ABHD16A: variants seen among roughly 807,000 people sequenced by gnomAD.
ABHD16A encodes the protein abhydrolase domain containing 16A, phospholipase, also known as phosphatidylserine lipase ABHD16A.
In ABHD16A, 47 loss-of-function variants were observed where a neutral mutation model predicts 89.8. That is an observed-to-expected ratio of 0.52 (90% CI 0.41 to 0.67). ABHD16A has a LOEUF of 0.67. Among genes scored for constraint, ABHD16A ranks in the 30% least tolerant of loss-of-function variants. ABHD16A has a pLI of 0.00. For synonymous variants in ABHD16A, 251 were observed against 280.4 expected (o/e 0.90, Z 1.05); for missense variants, 580 against 734.6 (o/e 0.79, Z 2.43).
chr6:31,700,815 T>C (rs1804900498), intron 4 of ABHD16A, 127 bp downstream of exon 4: 1 of 706,724 alleles, frequency 1.4e-6, no homozygotes, highest in African/African-American at 1.8e-5. Context: ...GAAAAGATCA[T>C]GCCTTAAACC....
rs1803404673 is a variant in ABHD16A, at chr6:31,687,463, C to T, written c.1593+35G>A. On this transcript the variant is annotated intron_variant, in intron 19 of 19. Transcript: ENST00000395952. The surrounding 1 kb of genome is among the most constrained non-coding windows in gnomAD (Gnocchi z 6.3). ...TCCCCCTATGTGAGCCCTGGCCATT[C>T]AAGAACCCTTCCCACTTCCCACTCC... is the stretch of plus-strand genomic sequence containing the variant. 6.2e-7 allele frequency: 1 copy of T among 1,613,066 alleles called. No individual in the cohort carries two copies. Among genetic ancestry groups the T allele is most frequent in the South Asian group, 1.1e-5 (1 of 91,090 alleles).
At position 31,690,100 on chromosome 6, in the gene ABHD16A, T is replaced by C. The variant is rs773102517; in HGVS notation, c.935A>G (p.His312Arg). 4.4e-6 allele frequency: 7 copies of C among 1,600,874 alleles called. No individual in the cohort carries two copies. The highest frequency in any genetic ancestry group is 6.0e-6 in the Non-Finnish European group (7 of 1,174,218). Residue 312 changes from histidine to arginine, a missense_variant, in exon 11 of 20, where the codon CAT becomes CGT. His to Arg is a conservative substitution (Grantham distance 29). Coordinates refer to ENST00000395952, the MANE Select transcript of ABHD16A (RefSeq NM_021160.3). This position sits in a 1 kb window ranked among gnomAD's most constrained non-coding sequence, Gnocchi z 4.1. ...EAGYSVLGWN[H>R]PGFAGSTGVP... The stretch of plus-strand genomic sequence containing the variant: ...CACCGTGCTTCCAGCAAAGCCTGGA[T>C]GATTCCAGCCCAGGACTGAATATCC...
At chr6:31,700,097 A>G (rs1056579514) in intron 4 of ABHD16A, among the ~76,000 whole-genome samples, 5 of 150,344 alleles carry the variant, frequency 3.3e-5, no homozygotes, top group African/African-American at 1.2e-4. Flanking sequence ...GCATTGCTAT[A>G]TAGTGTTCTC....
Position 31,703,228 on chromosome 6 carries a change from C to A in ABHD16A, c.54G>T (p.Arg18=). Residue 18 remains arginine (R), a synonymous_variant, in exon 1 of 20, where the codon CGG becomes CGT. Transcript: ENST00000395952. Reference sequence around the variant, plus strand: ...CCGGGGCCCTTTCAGAGTCCCTCTCCCGGTAGATTTTGTAGAGCCGGGGGC... The same window carrying A: ...CCGGGGCCCTTTCAGAGTCCCTCTCACGGTAGATTTTGTAGAGCCGGGGGC... The part of the protein sequence containing the change: ...VLGPRLYKIY[R]ERDSERAPAS... The A allele has an allele frequency of 1.4e-6, 2 of 1,441,058 alleles. No homozygotes were observed. Among genetic ancestry groups the A allele is most frequent in the Non-Finnish European group, 1.8e-6 (2 of 1,086,922 alleles). 89.3% of individuals were successfully genotyped at this position (1,441,058 alleles called of 1,614,324 possible). A position where few individuals can be genotyped will look rare whatever the true frequency, so the allele number is the denominator to read the frequency against.
chr6:31,698,535 G>A lies in ABHD16A; in HGVS notation c.344-1502C>T, dbSNP rs1445991071. Among the ~76,000 whole-genome samples, 1 of 151,738 alleles carries A rather than the reference G, an allele frequency of 6.6e-6. No homozygotes were observed. On this transcript the variant is annotated intron_variant, in intron 4 of 19. Transcript: ENST00000395952. This position sits in a 1 kb window ranked among gnomAD's most constrained non-coding sequence, Gnocchi z 4.1. ...AGTTTTGCTCTTGTTGCCCAGGCGG[G>A]AGTGCAATGATGTGCTCTCGGCTCA...
intron 1 of ABHD16A, chr6:31,702,850 G>T: frequency 7.3e-7 from 1 of 1,376,214 alleles, no homozygotes; most frequent in Non-Finnish European, 9.4e-7. Context: ...TCTCTTCCCG[G>T]GACTCAAGAC....
intron 5 of ABHD16A, among the ~76,000 whole-genome samples, chr6:31,694,030 GC>G (rs1353798195): frequency 6.7e-6 from 1 of 150,296 alleles, no homozygotes; most frequent in African/African-American, 2.4e-5. Context: ...CGAACCTCGG[GC>G]CACCCCACTG....
In ABHD16A at chr6:31,689,604, G is replaced by T; in HGVS notation, c.1058C>A (p.Ala353Asp). The T allele has an allele frequency of 6.2e-7, 1 of 1,608,060 alleles. No homozygotes were observed. Among genetic ancestry groups the T allele is most frequent in the Non-Finnish European group, 8.5e-7 (1 of 1,177,696 alleles). ...GFQPQDIIIY[A>D]WSIGGFTATW... ...ACCAGTGAAGCCGCCGATGGACCAG[G>T]CGTAGATGATGATGTCCTGGGGCTG... Residue 353 changes from alanine to aspartate, a missense_variant, in exon 12 of 20, where the codon GCC becomes GAC. Physicochemically the swap from Ala to Asp is moderately radical, Grantham distance 126 (BLOSUM62 -2). Transcript: ENST00000395952.
At chr6:31,689,524 G>C (rs1803648574) in intron 12 of ABHD16A, 57 bp downstream of exon 12, 1 of 1,480,324 alleles carries the variant, frequency 6.8e-7, no homozygotes, top group East Asian at 2.6e-5. Flanking sequence ...CCTCTCCCGG[G>C]TGGGGCTGGG....
Position 31,688,853 on chromosome 6 carries a change from A to G in ABHD16A, c.1187-67T>C. ...CTTGCCCAACATAAAGGTCCTCACT[A>G]TTCACGGAGAAAGAAAACTGAGGCC... On this transcript the variant is annotated intron_variant, in intron 13 of 19. Transcript: ENST00000395952. This position sits in a 1 kb window ranked among gnomAD's most constrained non-coding sequence, Gnocchi z 4.9. 1 of 1,538,178 alleles carries G rather than the reference A, an allele frequency of 6.5e-7. No homozygotes were observed. The highest frequency in any genetic ancestry group is 8.9e-7 in the Non-Finnish European group (1 of 1,123,780).
chr6:31,700,119 T>C (rs1804805073), intron 4 of ABHD16A, among the ~76,000 whole-genome samples: 1 of 151,582 alleles, frequency 6.6e-6, no homozygotes, highest in Non-Finnish European at 1.5e-5. Context: ...TGCATGGCTA[T>C]TGCATGGAAC....
At chr6:31,697,237 T>A (rs1323476770) in intron 4 of ABHD16A, among the ~76,000 whole-genome samples, 2 of 152,144 alleles carry the variant, frequency 1.3e-5, no homozygotes, top group Non-Finnish European at 2.9e-5. Flanking sequence ...GGACGCTTCT[T>A]CTCCCTAGCT....
chr6:31,689,642 G>T lies in ABHD16A; in HGVS notation c.1020C>A (p.His340Gln). ...AMDVVVQFAI[H>Q]RLGFQPQDII... The stretch of plus-strand genomic sequence containing the variant: ...TGTCCTGGGGCTGGAAGCCTAGGCG[G>T]TGGATGGCAAACTGGACCACCACAT... Residue 340 changes from histidine (H) to glutamine (Q), a missense_variant, in exon 12 of 20, where the codon CAC becomes CAA. Around this residue, in one of 2 missense-constraint regions of ABHD16A, gnomAD observed 415 missense variants for 568.8 expected, o/e 0.73. Transcript: ENST00000395952. 6.2e-7 allele frequency: 1 copy of T among 1,612,410 alleles called. No homozygotes were observed. Among genetic ancestry groups the T allele is most frequent in the Non-Finnish European group, 8.5e-7 (1 of 1,179,692 alleles).
chr6:31,693,139 G>C lies in ABHD16A; in HGVS notation c.514C>G (p.Arg172Gly). 6.2e-7 allele frequency: 1 copy of C among 1,613,116 alleles called. No individual in the cohort carries two copies. The highest frequency in any genetic ancestry group is 8.5e-7 in the Non-Finnish European group (1 of 1,179,586). ...ACACCCCGGCGGGAAGGGCCCCCTC[G>C]AGACTCCTTCCTGAGGAAGGGAAAG... is the stretch of plus-strand genomic sequence containing the variant. Reference protein sequence around the residue: ...WEEPSSRKESRGGPSRRGVAL... With the variant: ...WEEPSSRKESGGGPSRRGVAL... The change falls in exon 7 of 20, where the codon CGA becomes GGA. Residue 172 changes from arginine to glycine, a missense_variant. Around this residue, in one of 2 missense-constraint regions of ABHD16A, gnomAD observed 415 missense variants for 568.8 expected, o/e 0.73. Transcript: ENST00000395952. This position sits in a 1 kb window ranked among gnomAD's most constrained non-coding sequence, Gnocchi z 5.0.
At chr6:31,702,179 T>C in intron 1 of ABHD16A, 49 bp from the exon 2 acceptor site, 1 of 1,580,608 alleles carries the variant, frequency 6.3e-7, no homozygotes, top group Non-Finnish European at 8.7e-7. Flanking sequence ...TGGCAGGTCC[T>C]TTCCCTTCCC....
rs1240145223 is a variant in ABHD16A, at chr6:31,687,227, C to A, written c.1662G>T (p.Met554Ile). 1 of 1,612,758 alleles carries A rather than the reference C, an allele frequency of 6.2e-7. No individual in the cohort carries two copies. The highest frequency in any genetic ancestry group is 1.3e-5 in the African/African-American group (1 of 74,896). ...CAGTTGGTCCCTAGAGGTGCCAGGG[C>A]ATCTGGAAGTTCTGGGCTGGGAGTG... ...CTPLPAQNFQ[M>I]PWHL is the part of the protein sequence containing the mutation. The change falls in exon 20 of 20, where the codon ATG becomes ATT. Residue 554 changes from methionine to isoleucine, a missense_variant. Around this residue, in one of 2 missense-constraint regions of ABHD16A, gnomAD observed 415 missense variants for 568.8 expected, o/e 0.73. Coordinates refer to ENST00000395952, the MANE Select transcript of ABHD16A (RefSeq NM_021160.3). This position sits in a 1 kb window ranked among gnomAD's most constrained non-coding sequence, Gnocchi z 6.3.
Position 31,693,445 on chromosome 6 carries a change from C to A in ABHD16A, c.430-13G>T. 1 of 1,612,662 alleles carries A rather than the reference C, an allele frequency of 6.2e-7. No homozygotes were observed. The highest frequency in any genetic ancestry group is 8.5e-7 in the Non-Finnish European group (1 of 1,179,878). On this transcript the variant is annotated splice_polypyrimidine_tract_variant and intron_variant, in intron 5 of 19. Transcript: ENST00000395952. This position sits in a 1 kb window ranked among gnomAD's most constrained non-coding sequence, Gnocchi z 5.0. ...TGGCAAGCTGCCTCTGCAGTGGGCA[C>A]GAGAGGCAAAGGGGTACTGAGAACT...
rs2151225901 is a variant in ABHD16A, at chr6:31,689,714, A to G, written c.958-10T>C. The stretch of plus-strand genomic sequence containing the variant: ...GCGGGAATGGCACCCCCTGCAGGAG[A>G]AAGGGCAAAGTCAGGAGTGTGTCAG... On this transcript the variant is annotated splice_polypyrimidine_tract_variant and intron_variant, in intron 11 of 19. Coordinates refer to ENST00000395952, the MANE Select transcript of ABHD16A (RefSeq NM_021160.3). 2 of 1,605,966 alleles carry G rather than the reference A, an allele frequency of 1.2e-6. No homozygotes were observed. The highest frequency in any genetic ancestry group is 1.7e-6 in the Non-Finnish European group (2 of 1,176,398).
In ABHD16A at chr6:31,699,424, A is replaced by G. The variant is rs868679275; in HGVS notation, c.343+1518T>C. On this transcript the variant is annotated intron_variant, in intron 4 of 19. Transcript: ENST00000395952. Reference sequence around the variant, plus strand: ...ACTCCGTCTCAAAAAAAAAAAAAAAAAAAAAGAAAACCATGCCCTTGTTGT... The same window carrying G: ...ACTCCGTCTCAAAAAAAAAAAAAAAGAAAAAGAAAACCATGCCCTTGTTGT... Among the ~76,000 whole-genome samples the G allele has an allele frequency of 1.5e-4, 22 of 151,206 alleles. No homozygotes were observed. In the South Asian group the frequency reaches 3.3e-3, roughly 23 times the overall value.
Sources: gnomAD v4.1 joint callset for allele counts (sites outside exome capture counted in the v4.1 genomes callset) on GRCh38, gnomAD v4.1.1 for gene constraint, gnomAD v4.1.1 regional missense constraint, Gnocchi (gnomAD v3.1) non-coding constraint, MANE v1.5 for transcripts, NCBI Gene and HGNC (gene_info 2026-07-23, HGNC 2026-07-21) for gene names.